SCN11A: variants seen among roughly 807,000 people sequenced by gnomAD.
SCN11A encodes the protein sodium channel protein type 11 subunit alpha.
Under a neutral mutation model 162.2 loss-of-function variants are expected in SCN11A, and 122 were observed. The observed-to-expected ratio is 0.75, with a 90% CI of 0.65 to 0.87. The LOEUF is 0.87. Ranked by LOEUF, SCN11A falls within the 40% of genes least tolerant of loss-of-function variation. The pLI, the probability that SCN11A is intolerant of heterozygous loss-of-function variation, is 0.00. For missense variants in SCN11A, 2,015 were observed against 2,181.6 expected, an observed-to-expected ratio of 0.92 and a Z score of 1.52; for synonymous variants, 758 against 751.5, an observed-to-expected ratio of 1.01 and a Z score of -0.14.
intron 2 of SCN11A, among the ~76,000 whole-genome samples, chr3:39,012,468 CTCTCTCTT>C (rs1575358443): frequency 6.8e-6 from 1 of 146,538 alleles, no homozygotes; most frequent in Middle Eastern, 3.2e-3. Flanking sequence ...CTTTCTTTCT[CTCTCTCTT>C]TCTCTCTTTC....
At chr3:38,922,905 GCCACTGAT>G (rs1009130528) in intron 9 of SCN11A, among the ~76,000 whole-genome samples, 1 of 151,972 alleles carries the variant, frequency 6.6e-6, no homozygotes, top group Non-Finnish European at 1.5e-5. Flanking sequence ...GTTTGCCAAA[GCCACTGAT>G]AGAAGAGAAA....
intron 16 of SCN11A, among the ~76,000 whole-genome samples, chr3:38,902,757 T>A (rs778738399): frequency 6.6e-6 from 1 of 152,078 alleles, no homozygotes; most frequent in Non-Finnish European, 1.5e-5. Flanking sequence ...GACCTCATGA[T>A]CTGCCTGCCT....
chr3:38,874,544 C>A (rs937237240), intron 23 of SCN11A, among the ~76,000 whole-genome samples: 1 of 152,174 alleles, frequency 6.6e-6, no homozygotes, highest in Non-Finnish European at 1.5e-5. Context: ...GTTGCCACTG[C>A]ACTCAAGCCT....
At chr3:38,849,390 A>C (rs2064737962) in intron 29 of SCN11A, 1 of 150,904 alleles carries the variant, frequency 6.6e-6, no homozygotes, top group Non-Finnish European at 1.5e-5. Flanking sequence ...CTTTATCTAC[A>C]TTAACATCAT....
At position 39,005,338 on chromosome 3, in the gene SCN11A, C is replaced by T. The variant is rs140195014; in HGVS notation, c.-280+27042G>A. On this transcript the variant is annotated intron_variant, in intron 2 of 29. Transcript: ENST00000302328. ...ATATGAGAGGGTCTCTCTCTTCCCT[C>T]AATACAGGGCTCTGAGCAAAATCTG... Among the ~76,000 whole-genome samples the T allele has an allele frequency of 1.5e-3, 226 of 152,306 alleles. 2 individuals are homozygous for T. Among genetic ancestry groups the T allele is most frequent in the African/African-American group, 5.0e-3 (206 of 41,562 alleles).
At chr3:38,984,519 T>G (rs2030165366) in intron 2 of SCN11A, among the ~76,000 whole-genome samples, 1 of 152,026 alleles carries the variant, frequency 6.6e-6, no homozygotes. Flanking sequence ...GCTGAGCTTT[T>G]TTTTTTTTGA....
At position 38,914,052 on chromosome 3, in the gene SCN11A, G is replaced by C. The variant is rs149161316; in HGVS notation, c.960-3845C>G. ...AAGAATGTCATTGGTAATTTCATAG[G>C]AATAGCACTGAATCTGTAAATTGCT... On this transcript the variant is annotated intron_variant, in intron 11 of 29. Transcript: ENST00000302328. Among the ~76,000 whole-genome samples, 201 of 152,164 alleles carry C rather than the reference G, an allele frequency of 1.3e-3. 4 individuals are homozygous for C. In the East Asian group the frequency reaches 0.025, roughly 19 times the overall value.
rs764311279 is a variant in SCN11A at position 38,846,889 on chromosome 3, G to A, written c.5181C>T (p.Thr1727=). 1.9e-6 allele frequency: 3 copies of A among 1,614,082 alleles called. No homozygotes were observed. Among genetic ancestry groups the A allele is most frequent in the East Asian group, 2.2e-5 (1 of 44,872 alleles). Residue 1727 remains threonine (T), a synonymous_variant, in exon 30 of 30, where the codon ACC becomes ACT. Transcript: ENST00000302328. ...LKKLYEPIVT[T]TKRKEEERGA... ...CTCTTTCCTCTTCCTTTCTCTTGGT[G>A]GTGGTGACTATGGGTTCATACAACT...
rs1444246536 is a variant in SCN11A, at chr3:38,846,616, C to T, written c.*78G>A. 1 of 1,123,230 alleles carries T rather than the reference C, an allele frequency of 8.9e-7. No homozygotes were observed. The highest frequency in any genetic ancestry group is 2.0e-5 in the Admixed American group (1 of 49,180). 69.6% of individuals were successfully genotyped at this position (1,123,230 alleles called of 1,614,324 possible). On this transcript the variant is annotated 3_prime_UTR_variant, in exon 30 of 30. Coordinates refer to ENST00000302328, the MANE Select transcript of SCN11A (RefSeq NM_001349253.2). ...TTGGTGAATCCACTCCCTGTTGATACACTAAGCTGCTGACCCCTGGAGCTC... is the reference window on the plus strand; with the variant it reads ...TTGGTGAATCCACTCCCTGTTGATATACTAAGCTGCTGACCCCTGGAGCTC...
intron 1 of SCN11A, among the ~76,000 whole-genome samples, chr3:39,036,520 A>T (rs1265581599): frequency 6.6e-6 from 1 of 152,216 alleles, no homozygotes; most frequent in Non-Finnish European, 1.5e-5. Flanking sequence ...CGTCAAGCTA[A>T]AAAGCTTCTG....
At chr3:39,030,172 C>T (rs574597035) in intron 2 of SCN11A, among the ~76,000 whole-genome samples, 1 of 152,204 alleles carries the variant, frequency 6.6e-6, no homozygotes, top group Admixed American at 6.5e-5. Flanking sequence ...AGGGGCATGG[C>T]GAGGAGAAGC....
chr3:38,862,724 A>G lies in SCN11A; in HGVS notation c.4056+471T>C, dbSNP rs764234725. ...TAAAGGCATAAGAATGATATAATGG[A>G]CTTCAGGGAATCAAGGAGATGGGTG... On this transcript the variant is annotated intron_variant, in intron 28 of 29. Coordinates refer to ENST00000302328, the MANE Select transcript of SCN11A (RefSeq NM_001349253.2). Among the ~76,000 whole-genome samples, 3 of 152,054 alleles carry G rather than the reference A, an allele frequency of 2.0e-5. 1 individual carries two copies. Among genetic ancestry groups the G allele is most frequent in the Non-Finnish European group, 4.4e-5 (3 of 67,986 alleles).
chr3:38,846,679 C>T lies in SCN11A; in HGVS notation c.*15G>A, dbSNP rs757290589. On this transcript the variant is annotated 3_prime_UTR_variant, in exon 30 of 30. Transcript: ENST00000302328. ...CAAGGCTGTGAAGCTATGAGGTAGG[C>T]GTGGAGGTGAGGGCTCAGTCACAGT... is the stretch of plus-strand genomic sequence containing the variant. 1.4e-5 allele frequency: 23 copies of T among 1,606,384 alleles called. No homozygotes were observed. The highest frequency in any genetic ancestry group is 2.2e-5 in the East Asian group (1 of 44,826).
At position 38,969,002 on chromosome 3, in the gene SCN11A, C is replaced by T. The variant is rs575466834; in HGVS notation, c.-279-8579G>A. On this transcript the variant is annotated intron_variant, in intron 2 of 29. Coordinates refer to ENST00000302328, the MANE Select transcript of SCN11A (RefSeq NM_001349253.2). ...ATACAAATACATACACACTCCAATT[C>T]TTTATGCCCGTCACAGCCCCTACCT... Among the ~76,000 whole-genome samples the T allele has an allele frequency of 2.9e-3, 449 of 152,334 alleles. 3 individuals carry two copies. Among genetic ancestry groups the T allele is most frequent in the African/African-American group, 0.01 (429 of 41,560 alleles).
At chr3:39,027,857 T>A (rs1040735517) in intron 2 of SCN11A, among the ~76,000 whole-genome samples, 5 of 152,190 alleles carry the variant, frequency 3.3e-5, no homozygotes, top group African/African-American at 9.7e-5. Flanking sequence ...CAGCTTCAAG[T>A]CTCCTGAAGA....
At chr3:39,028,032 C>T (rs981615440) in intron 2 of SCN11A, among the ~76,000 whole-genome samples, 2 of 152,204 alleles carry the variant, frequency 1.3e-5, no homozygotes, top group Non-Finnish European at 2.9e-5. Flanking sequence ...CCATCTCCCA[C>T]ACATCCATCT....
chr3:38,919,007 G>C (rs556544918), intron 11 of SCN11A, among the ~76,000 whole-genome samples: 2 of 152,242 alleles, frequency 1.3e-5, no homozygotes, highest in East Asian at 1.9e-4. Context: ...ATTGTTCCTA[G>C]GCTACAAACT....
At chr3:39,009,378 T>A (rs1437406453) in intron 2 of SCN11A, among the ~76,000 whole-genome samples, 1 of 151,502 alleles carries the variant, frequency 6.6e-6, no homozygotes, top group Non-Finnish European at 1.5e-5. Context: ...ATCCTGCTCA[T>A]GCAAAAATAA....
At chr3:38,901,261 G>A (rs1341195834) in intron 16 of SCN11A, among the ~76,000 whole-genome samples, 2 of 152,076 alleles carry the variant, frequency 1.3e-5, no homozygotes, top group African/African-American at 4.8e-5. Flanking sequence ...GATAAATCCA[G>A]GGTAGAAAAA....
Sources: gnomAD v4.1 joint callset for allele counts (sites outside exome capture counted in the v4.1 genomes callset) on GRCh38, gnomAD v4.1.1 for gene constraint, MANE v1.5 for transcripts, NCBI Gene and HGNC (gene_info 2026-07-23, HGNC 2026-07-21) for gene names.